The following SAG variants were observed in gnomAD, a reference collection of about 807,000 sequenced individuals.
SAG encodes S-arrestin.
A neutral mutation model predicts 55.0 loss-of-function variants in SAG; 45 were observed. The observed-to-expected ratio is 0.82, with a 90% confidence interval of 0.64 to 1.05. The LOEUF (loss-of-function observed/expected upper bound fraction) is 1.05, where lower values mean the gene tolerates loss of function less well. Ranked by LOEUF, SAG falls within the 50% of genes least tolerant of loss-of-function variation. The pLI is 0.00. For synonymous variants in SAG, 189 were observed against 197.4 expected, an observed-to-expected ratio of 0.96 and a Z score of 0.36; for missense variants, 455 against 512.1, an observed-to-expected ratio of 0.89 and a Z score of 1.08.
intron 2 of SAG, among the ~76,000 whole-genome samples, chr2:233,314,539 CCA>C (rs1700166438): frequency 6.6e-6 from 1 of 152,166 alleles, no homozygotes; most frequent in Non-Finnish European, 1.5e-5. Flanking sequence ...GCCAAGACAC[CCA>C]CAGTGTTTAG....
chr2:233,317,897 G>C (rs1379491800), intron 3 of SAG, among the ~76,000 whole-genome samples: 2 of 152,224 alleles, frequency 1.3e-5, no homozygotes, highest in Admixed American at 6.5e-5. Context: ...GCAGTTAGCT[G>C]AACAGTATGT....
chr2:233,324,954 G>A lies in SAG; in HGVS notation c.435+1949G>A, dbSNP rs115038069. ...GAATAGAATAGAACAGACAGGGTGCGGTGGCTCATGCCTGTAATCCCAGCA... is the reference window on the plus strand; with the variant it reads ...GAATAGAATAGAACAGACAGGGTGCAGTGGCTCATGCCTGTAATCCCAGCA... On this transcript the variant is annotated intron_variant, in intron 6 of 15. Coordinates refer to ENST00000409110, the MANE Select transcript of SAG (RefSeq NM_000541.5). Among the ~76,000 whole-genome samples, 216 of 152,196 alleles carry A rather than the reference G, an allele frequency of 1.4e-3. 1 individual carries two copies. The highest frequency in any genetic ancestry group is 3.5e-3 in the South Asian group (17 of 4,818).
Position 233,319,471 on chromosome 2 carries a change from A to T in SAG, c.181+676A>T, listed in dbSNP as rs748512086. ...TTCCAGCTATCCTTGTGATAATGTCACTGACTCAGTTCCATTCTAAATATG... is the reference window on the plus strand; with the variant it reads ...TTCCAGCTATCCTTGTGATAATGTCTCTGACTCAGTTCCATTCTAAATATG... On this transcript the variant is annotated intron_variant, in intron 4 of 15. Coordinates refer to ENST00000409110, the MANE Select transcript of SAG (RefSeq NM_000541.5). This position sits in a 1 kb window ranked among gnomAD's most constrained non-coding sequence, Gnocchi z 4.4. The T allele has an allele frequency of 1.9e-5, 10 of 526,268 alleles. No individual in the cohort carries two copies. The highest frequency in any genetic ancestry group is 2.5e-5 in the Non-Finnish European group (10 of 405,910). The allele number at this position is 526,268 out of a possible 1,614,324, so 32.6% of individuals were successfully genotyped here. A position where few individuals can be genotyped will look rare whatever the true frequency, so the allele number is the denominator to read the frequency against.
In SAG at chr2:233,340,396, G is replaced by T. The variant is rs1254301112; in HGVS notation, c.1023-59G>T. The T allele has an allele frequency of 5.2e-6, 8 of 1,528,552 alleles. No individual in the cohort carries two copies. The highest frequency in any genetic ancestry group is 2.3e-5 in the East Asian group (1 of 44,066). The allele number at this position is 1,528,552 out of a possible 1,614,324, so 94.7% of individuals were successfully genotyped here. On this transcript the variant is annotated intron_variant, in intron 12 of 15. Transcript: ENST00000409110. The surrounding 1 kb of genome is among the most constrained non-coding windows in gnomAD (Gnocchi z 4.2). ...GGCTGTGTCCTGCCTCTGAATCATG[G>T]GAAAGGGTCGTGTTACCACTGTGAC...
At chr2:233,338,502 C>T (rs951310179) in intron 11 of SAG, 174 bp from the exon 12 acceptor site, 1 of 630,830 alleles carries the variant, frequency 1.6e-6, no homozygotes, top group Admixed American at 2.6e-5. Flanking sequence ...TGCAAGGAGT[C>T]CCCATACCCA....
chr2:233,343,751 G>A (rs1701173855), intron 14 of SAG: 17 of 1,126,082 alleles, frequency 1.5e-5, no homozygotes, highest in South Asian at 1.9e-5. Flanking sequence ...AGAACTCTCC[G>A]TAGGTATAGG....
chr2:233,312,366 C>T (rs1458371821), intron 2 of SAG, among the ~76,000 whole-genome samples: 1 of 152,182 alleles, frequency 6.6e-6, no homozygotes, highest in Non-Finnish European at 1.5e-5. Context: ...CAGTTTGCTG[C>T]TGGCATGAGC....
chr2:233,346,771 C>T (rs372831520), intron 15 of SAG, 36 bp from the exon 16 acceptor site: 8 of 1,298,338 alleles, frequency 6.2e-6, no homozygotes, highest in Middle Eastern at 1.9e-4. Context: ...CTTCAAAGGG[C>T]GTGCAATGAT....
At chr2:233,342,375 A>G (rs1701131430) in intron 14 of SAG, 49 bp downstream of exon 14, 2 of 1,408,912 alleles carry the variant, frequency 1.4e-6, no homozygotes, top group Non-Finnish European at 2.0e-6. Flanking sequence ...CTACTTGCAG[A>G]TTTATTGTTG....
rs1559435841 is a variant in SAG, at chr2:233,318,795, G to A, written c.181G>A (p.Val61Met). The part of the protein sequence containing the change: ...VDPDLVKGKK[V>M]YVTLTCAFRY... Reference sequence around the variant, plus strand: ...TCCTGATCTTGTGAAGGGAAAGAAAGGTGAGATGAAGCCCCTTGTCTCAGG... The same window carrying A: ...TCCTGATCTTGTGAAGGGAAAGAAAAGTGAGATGAAGCCCCTTGTCTCAGG... Residue 61 changes from valine to methionine, a missense_variant and splice_region_variant, in exon 4 of 16, where the codon GTG (valine) becomes ATG (methionine). Transcript: ENST00000409110. 6.2e-7 allele frequency: 1 copy of A among 1,613,686 alleles called. No individual in the cohort carries two copies. The highest frequency in any genetic ancestry group is 2.2e-5 in the East Asian group (1 of 44,878).
At chr2:233,326,102 G>C (rs1482878386) in intron 6 of SAG, among the ~76,000 whole-genome samples, 2 of 152,208 alleles carry the variant, frequency 1.3e-5, no homozygotes, top group East Asian at 3.9e-4. Context: ...GCTCCCCAAC[G>C]CATGTGAACG....
intron 6 of SAG, among the ~76,000 whole-genome samples, chr2:233,324,778 A>G (rs1467320937): frequency 6.6e-6 from 1 of 152,146 alleles, no homozygotes; most frequent in East Asian, 1.9e-4. Flanking sequence ...CTACACAGAG[A>G]GGCAGTTTCT....
At chr2:233,315,908 T>C (rs1488914755) in intron 2 of SAG, among the ~76,000 whole-genome samples, 167 bp from the exon 3 acceptor site, 1 of 151,542 alleles carries the variant, frequency 6.6e-6, no homozygotes, top group African/African-American at 2.4e-5. Context: ...GGTTTCACCA[T>C]ATTGGCCAGG....
chr2:233,326,388 C>T (rs1323362174), intron 6 of SAG, among the ~76,000 whole-genome samples: 1 of 152,052 alleles, frequency 6.6e-6, no homozygotes, highest in African/African-American at 2.4e-5. Flanking sequence ...AGTTTAAGAC[C>T]AGCCTGGCCA....
In SAG at chr2:233,331,842, C is replaced by T. The variant is rs1559447579; in HGVS notation, c.806+130C>T. 5.5e-6 allele frequency: 4 copies of T among 726,350 alleles called. No homozygotes were observed. The East Asian group carries it at 1.1e-4, about 19-fold the overall frequency. The allele number at this position is 726,350 out of a possible 1,614,324, so 45.0% of individuals were successfully genotyped here. On this transcript the variant is annotated intron_variant, in intron 10 of 15. Coordinates refer to ENST00000409110, the MANE Select transcript of SAG (RefSeq NM_000541.5). Reference sequence around the variant, plus strand: ...CCAGCCTTCCACTTCCTTCCTCTTTCTCCCTTCGAGGGCTGCACAGAAAGT... The same window carrying T: ...CCAGCCTTCCACTTCCTTCCTCTTTTTCCCTTCGAGGGCTGCACAGAAAGT...
Position 233,338,676 on chromosome 2 carries a change from C to T in SAG, c.945C>T (p.Ile315=). Residue 315 remains isoleucine, a splice_region_variant and synonymous_variant, in exon 12 of 16, where the codon ATC becomes ATT. Transcript: ENST00000409110. Reference sequence around the variant, plus strand: ...CTCCTTTTCCCTTCTGTTTGGGCAGCATTAAGGAGGGCATAGACCGGACCG... The same window carrying T: ...CTCCTTTTCCCTTCTGTTTGGGCAGTATTAAGGAGGGCATAGACCGGACCG... ...HEDTNLASST[I]IKEGIDRTVL... is the part of the protein sequence containing the mutation. 6.2e-7 allele frequency: 1 copy of T among 1,613,286 alleles called. No individual in the cohort carries two copies. Among genetic ancestry groups the T allele is most frequent in the East Asian group, 2.2e-5 (1 of 44,876 alleles).
intron 13 of SAG, among the ~76,000 whole-genome samples, chr2:233,342,069 A>G (rs1309986183): frequency 6.6e-6 from 1 of 151,028 alleles, no homozygotes; most frequent in Non-Finnish European, 1.5e-5. Flanking sequence ...GGTTGCAGTG[A>G]GCCGAGATTG....
intron 7 of SAG, chr2:233,328,251 C>T (rs576262165): frequency 6.4e-6 from 3 of 465,810 alleles, no homozygotes; most frequent in African/African-American, 5.9e-5. Context: ...TGTTGCCTGG[C>T]CCCACAGCTT....
At chr2:233,313,082 G>A (rs987782314) in intron 2 of SAG, among the ~76,000 whole-genome samples, 2 of 152,214 alleles carry the variant, frequency 1.3e-5, no homozygotes, top group Admixed American at 6.5e-5. Flanking sequence ...AAGGAGACAG[G>A]CTCCTGCAAG....
Sources: allele counts gnomAD v4.1 joint callset (sites outside exome capture counted in the v4.1 genomes callset), GRCh38; gene constraint gnomAD v4.1.1; non-coding constraint Gnocchi (gnomAD v3.1); transcripts MANE v1.5; gene names NCBI Gene and HGNC (gene_info 2026-07-23, HGNC 2026-07-21).